Variants in TM7SF3 observed in about 807,000 individuals in gnomAD.
TM7SF3 encodes the protein transmembrane 7 superfamily member 3, also known as seven span transmembrane protein.
A neutral mutation model predicts 65.5 loss-of-function variants in TM7SF3; 60 were observed. The ratio of observed to expected loss-of-function variants is 0.92; its 90% CI spans 0.74 to 1.14. The LOEUF is 1.14. Ranked by LOEUF, TM7SF3 falls within the 50% of genes most tolerant of loss-of-function variation. TM7SF3 has a pLI of 0.00. For synonymous variants in TM7SF3, 264 were observed against 259.6 expected (o/e 1.02, Z -0.16); for missense variants, 623 against 684.8 (o/e 0.91, Z 1.01).
rs374047330 is a variant in TM7SF3, at chr12:27,010,828, T to G, written c.91+3250A>C. On this transcript the variant is annotated intron_variant, in intron 1 of 11. Transcript: ENST00000343028. The stretch of plus-strand genomic sequence containing the variant: ...ATCTTCCATTCTTACCCAGAATCAC[T>G]TTTTCTTTCCAATAATTCCACTTTA... Among the ~76,000 whole-genome samples, 5 of 152,328 alleles carry G rather than the reference T, an allele frequency of 3.3e-5. 1 individual carries two copies. The highest frequency in any genetic ancestry group is 1.2e-4 in the African/African-American group (5 of 41,592).
chr12:26,984,572 A>G (rs1035801753), intron 6 of TM7SF3, among the ~76,000 whole-genome samples: 2 of 152,232 alleles, frequency 1.3e-5, no homozygotes, highest in Non-Finnish European at 2.9e-5. Flanking sequence ...ATTTGCTGGG[A>G]TGATTTTCTC....
intron 5 of TM7SF3, among the ~76,000 whole-genome samples, chr12:26,992,270 T>TTTA (rs545256310): frequency 5.6e-4 from 84 of 151,320 alleles, no homozygotes; most frequent in East Asian, 1.7e-3. Flanking sequence ...ATTTTATTTT[T>TTTA]TTATTATTAT....
intron 10 of TM7SF3, 95 bp from the exon 11 acceptor site, chr12:26,975,753 C>T: frequency 1.5e-6 from 2 of 1,336,386 alleles, no homozygotes; most frequent in Admixed American, 2.4e-5. Context: ...ATCACATCTG[C>T]TCCCTCAGGC....
At chr12:26,978,070 T>A in intron 9 of TM7SF3, 1 of 452,442 alleles carries the variant, frequency 2.2e-6, no homozygotes, top group Non-Finnish European at 4.4e-6. Flanking sequence ...CAGTCCAGCA[T>A]GGGTGACAGA....
chr12:26,980,574 T>C lies in TM7SF3; in HGVS notation c.1028A>G (p.Lys343Arg). 1 of 1,491,512 alleles carries C rather than the reference T, an allele frequency of 6.7e-7. No individual in the cohort carries two copies. The highest frequency in any genetic ancestry group is 9.3e-7 in the Non-Finnish European group (1 of 1,073,022). 92.4% of individuals were successfully genotyped at this position (1,491,512 alleles called of 1,614,324 possible). Residue 343 changes from lysine (K) to arginine (R), a missense_variant, in exon 8 of 12, where the codon AAG (lysine) becomes AGG (arginine). Transcript: ENST00000343028. ...ATATAATTTTCACTTACCATCATAC[T>C]TGATAGGTGTCAGTCTTGTAATCAG... ...YILITRLTPI[K>R]YDVNLILTAV...
intron 1 of TM7SF3, 63 bp from the exon 2 acceptor site, chr12:27,003,453 A>G: frequency 6.9e-7 from 1 of 1,448,306 alleles, no homozygotes; most frequent in Non-Finnish European, 9.4e-7. Flanking sequence ...CAGAAATCAT[A>G]TTCATAAATG....
At chr12:27,011,689 C>T (rs1350856943) in intron 1 of TM7SF3, among the ~76,000 whole-genome samples, 1 of 152,188 alleles carries the variant, frequency 6.6e-6, no homozygotes, top group East Asian at 1.9e-4. Context: ...CCTTTCTATA[C>T]TGATTTTTAG....
intron 1 of TM7SF3, among the ~76,000 whole-genome samples, chr12:27,006,932 G>A (rs1451607560): frequency 6.6e-6 from 1 of 152,164 alleles, no homozygotes; most frequent in Admixed American, 6.5e-5. Context: ...TTCTGATTTT[G>A]TGGAAGACTA....
At chr12:27,010,613 A>C (rs1941209187) in intron 1 of TM7SF3, among the ~76,000 whole-genome samples, 1 of 152,254 alleles carries the variant, frequency 6.6e-6, no homozygotes, top group Non-Finnish European at 1.5e-5. Flanking sequence ...ATTTATTAGA[A>C]GCATTTTATG....
intron 7 of TM7SF3, among the ~76,000 whole-genome samples, chr12:26,980,864 G>A (rs1202645932): frequency 6.6e-6 from 1 of 152,040 alleles, no homozygotes; most frequent in Non-Finnish European, 1.5e-5. Flanking sequence ...CAATATTAAA[G>A]TACCAACTAC....
chr12:26,992,612 T>A (rs1240242113), intron 5 of TM7SF3, among the ~76,000 whole-genome samples: 1 of 152,202 alleles, frequency 6.6e-6, no homozygotes, highest in Non-Finnish European at 1.5e-5. Flanking sequence ...ATAAAGTGTT[T>A]AATTGCTTAT....
rs2136382810 is a variant in TM7SF3 at position 26,980,102 on chromosome 12, G to A, written c.1037-166C>T. The A allele has an allele frequency of 3.9e-6, 3 of 763,346 alleles. No homozygotes were observed. The East Asian group carries it at 8.1e-5, about 21-fold the overall frequency. 47.3% of individuals were successfully genotyped at this position (763,346 alleles called of 1,614,324 possible). A position where few individuals can be genotyped will look rare whatever the true frequency, so the allele number is the denominator to read the frequency against. The stretch of plus-strand genomic sequence containing the variant: ...CCAGCATAGAGCAACCCTCTCTAGG[G>A]AGGGGTCTGGGCTGAGACAAGGAAA... On this transcript the variant is annotated intron_variant, in intron 8 of 11. Transcript: ENST00000343028.
At chr12:26,983,034 G>A (rs906011581) in intron 6 of TM7SF3, among the ~76,000 whole-genome samples, 175 bp from the exon 7 acceptor site, 4 of 152,002 alleles carry the variant, frequency 2.6e-5, no homozygotes, top group African/African-American at 9.7e-5. Flanking sequence ...ATGAACCTAT[G>A]TAGACAATCA....
Position 26,976,440 on chromosome 12 carries a change from T to C in TM7SF3, c.1190-83A>G, listed in dbSNP as rs576435837. 5.9e-6 allele frequency: 5 copies of C among 853,184 alleles called. No homozygotes were observed. In the Admixed American group the frequency reaches 8.4e-5, roughly 14 times the overall value. The allele number at this position is 853,184 out of a possible 1,614,324, so 52.9% of individuals were successfully genotyped here. On this transcript the variant is annotated intron_variant, in intron 9 of 11. Transcript: ENST00000343028. ...TTCTTGGAACATCTGAACACAGATA[T>C]ACATCAAAGCCTTAAAGTAACAACC...
At position 26,993,184 on chromosome 12, in the gene TM7SF3, G is replaced by A. The variant is rs184127217; in HGVS notation, c.690+2053C>T. Among the ~76,000 whole-genome samples the A allele has an allele frequency of 7.2e-5, 11 of 152,160 alleles. No individual in the cohort carries two copies. The East Asian group carries it at 1.5e-3, about 21-fold the overall frequency. ...GCCTCCCAAAGTGCTGGGATTACAGGTGTGTGCCACTGTTCCTGGCTCCTA... is the reference window on the plus strand; with the variant it reads ...GCCTCCCAAAGTGCTGGGATTACAGATGTGTGCCACTGTTCCTGGCTCCTA... On this transcript the variant is annotated intron_variant, in intron 5 of 11. Transcript: ENST00000343028.
intron 1 of TM7SF3, among the ~76,000 whole-genome samples, chr12:27,013,832 A>G (rs1016339845): frequency 1.3e-5 from 2 of 152,216 alleles, no homozygotes; most frequent in African/African-American, 2.4e-5. Flanking sequence ...GTGTTAAAAA[A>G]AGAGAATTAT....
At chr12:27,001,959 T>G (rs1348655434) in intron 2 of TM7SF3, among the ~76,000 whole-genome samples, 1 of 152,180 alleles carries the variant, frequency 6.6e-6, no homozygotes, top group Non-Finnish European at 1.5e-5. Flanking sequence ...CTCTTGTAAT[T>G]AATACTATTT....
rs1940303700 is a variant in TM7SF3, at chr12:26,990,504, C to A, written c.814G>T (p.Ala272Ser). 2 of 1,614,042 alleles carry A rather than the reference C, an allele frequency of 1.2e-6. No homozygotes were observed. Among genetic ancestry groups the A allele is most frequent in the Non-Finnish European group, 1.7e-6 (2 of 1,179,954 alleles). Residue 272 changes from alanine to serine, a missense_variant, in exon 6 of 12, where the codon GCT (alanine) becomes TCT (serine). Physicochemically the swap from Ala to Ser is moderately conservative, Grantham distance 99 (BLOSUM62 1). Transcript: ENST00000343028. The stretch of plus-strand genomic sequence containing the variant: ...TCAAAGCTGCAAGCGTATGTGTGAG[C>A]AGGAATGTAGGCAGCAGATGTATTT... ...FLNTSAAYIP[A>S]HTYACSFEAG... is the part of the protein sequence containing the mutation.
chr12:27,003,660 G>A (rs1253857655), intron 1 of TM7SF3, among the ~76,000 whole-genome samples: 10 of 152,204 alleles, frequency 6.6e-5, no homozygotes, highest in Admixed American at 6.5e-4. Context: ...GGAACCCAGA[G>A]AAACTTCCCC....
Sources: gnomAD v4.1 joint callset for allele counts (sites outside exome capture counted in the v4.1 genomes callset) on GRCh38, gnomAD v4.1.1 for gene constraint, MANE v1.5 for transcripts, NCBI Gene and HGNC (gene_info 2026-07-23, HGNC 2026-07-21) for gene names.